EXOC4: variants seen among roughly 807,000 people sequenced by gnomAD.
EXOC4 encodes exocyst complex component 4.
In EXOC4, 71 loss-of-function variants were observed where a neutral mutation model predicts 107.2. The ratio of observed to expected loss-of-function variants is 0.66; its 90% CI spans 0.55 to 0.81. The LOEUF (loss-of-function observed/expected upper bound fraction) is 0.81, where lower values mean the gene tolerates loss of function less well. Ranked by LOEUF, EXOC4 falls within the 30% of genes least tolerant of loss-of-function variation. The pLI is 0.00. For missense variants in EXOC4, 1,108 were observed against 1,189.6 expected (o/e 0.93, Z 1.01); for synonymous variants, 456 against 441.2 (o/e 1.03, Z -0.42).
chr7:133,837,546 T>A (rs1797942572), intron 11 of EXOC4, among the ~76,000 whole-genome samples: 1 of 152,246 alleles, frequency 6.6e-6, no homozygotes, highest in Non-Finnish European at 1.5e-5. Flanking sequence ...GAATGCATTT[T>A]CTTCCTGCTA....
intron 10 of EXOC4, among the ~76,000 whole-genome samples, chr7:133,659,794 C>T (rs1287415470): frequency 6.6e-6 from 1 of 152,186 alleles, no homozygotes; most frequent in East Asian, 1.9e-4. Flanking sequence ...AGTCACTTTC[C>T]TCTTCTTTCC....
chr7:133,480,268 T>G, intron 9 of EXOC4, 130 bp downstream of exon 9: 1 of 1,495,392 alleles, frequency 6.7e-7, no homozygotes, highest in East Asian at 2.5e-5. Context: ...AATAATTTGT[T>G]TCTTCTGTAA....
intron 17 of EXOC4, among the ~76,000 whole-genome samples, chr7:134,054,033 C>T (rs1173542703): frequency 3.3e-5 from 5 of 152,124 alleles, no homozygotes; most frequent in African/African-American, 4.8e-5. Context: ...GCAACCTCCA[C>T]CTCCCAGGTT....
At chr7:133,463,287 C>T (rs1307243997) in intron 7 of EXOC4, among the ~76,000 whole-genome samples, 1 of 152,094 alleles carries the variant, frequency 6.6e-6, no homozygotes, top group Non-Finnish European at 1.5e-5. Flanking sequence ...AAGGAGCTCC[C>T]CCGCTTTGGT....
At position 133,407,093 on chromosome 7, in the gene EXOC4, C is replaced by T. The variant is rs561574336; in HGVS notation, c.1182+32091C>T. On this transcript the variant is annotated intron_variant, in intron 7 of 17. Coordinates refer to ENST00000253861, the MANE Select transcript of EXOC4 (RefSeq NM_021807.4). ...GCTAAGTCCAGCTTTAGCAAGAATC[C>T]TGCTGTGTCGGTTTAATCAGAATCC... Among the ~76,000 whole-genome samples the T allele has an allele frequency of 2.6e-5, 4 of 152,268 alleles. No individual in the cohort carries two copies. In the South Asian group the frequency reaches 8.3e-4, roughly 32 times the overall value.
intron 5 of EXOC4, among the ~76,000 whole-genome samples, chr7:133,335,531 A>G (rs927371126): frequency 3.3e-5 from 5 of 152,132 alleles, no homozygotes; most frequent in African/African-American, 1.2e-4. Context: ...CTATACCAGA[A>G]TTTCCTTCCT....
intron 10 of EXOC4, among the ~76,000 whole-genome samples, chr7:133,634,112 G>A (rs565318113): frequency 5.9e-5 from 9 of 152,112 alleles, no homozygotes; most frequent in Non-Finnish European, 1.2e-4. Flanking sequence ...TATATTCTCA[G>A]CAGTCGTTTT....
chr7:133,649,853 C>G (rs1258806898), intron 10 of EXOC4, among the ~76,000 whole-genome samples: 1 of 152,070 alleles, frequency 6.6e-6, no homozygotes, highest in Non-Finnish European at 1.5e-5. Flanking sequence ...GAATGAACCT[C>G]AGTGAATGAT....
rs548740911 is a variant in EXOC4, at chr7:133,835,357, A to G, written c.1734+17813A>G. Reference sequence around the variant, plus strand: ...GGGGTGCAGCCTTGTTTTATACATTAAGGACACATGCAACGTCAATACATG... The same window carrying G: ...GGGGTGCAGCCTTGTTTTATACATTGAGGACACATGCAACGTCAATACATG... On this transcript the variant is annotated intron_variant, in intron 11 of 17. Coordinates refer to ENST00000253861, the MANE Select transcript of EXOC4 (RefSeq NM_021807.4). 8.5e-5 allele frequency among the ~76,000 whole-genome samples: 13 copies of G among 152,340 alleles called. No homozygotes were observed. In the South Asian group the frequency reaches 2.7e-3, roughly 32 times the overall value.
intron 11 of EXOC4, among the ~76,000 whole-genome samples, chr7:133,870,569 C>G (rs957717381): frequency 2.0e-5 from 3 of 152,176 alleles, no homozygotes; most frequent in Non-Finnish European, 2.9e-5. Context: ...TGTGGCTCAT[C>G]TAAAGAGGGT....
intron 17 of EXOC4, among the ~76,000 whole-genome samples, chr7:134,023,966 G>C (rs938456717): frequency 3.3e-5 from 5 of 152,218 alleles, no homozygotes; most frequent in African/African-American, 1.2e-4. Flanking sequence ...CAGGCATGAA[G>C]TGGTGTAAGA....
At chr7:133,869,341 T>G (rs979056677) in intron 11 of EXOC4, among the ~76,000 whole-genome samples, 1 of 152,082 alleles carries the variant, frequency 6.6e-6, no homozygotes, top group Non-Finnish European at 1.5e-5. Flanking sequence ...TGGGGGCAGC[T>G]CTGGGCTCCT....
intron 11 of EXOC4, among the ~76,000 whole-genome samples, chr7:133,840,496 T>G (rs566253128): frequency 9.2e-5 from 14 of 151,710 alleles, no homozygotes; most frequent in African/African-American, 1.4e-4. Flanking sequence ...TTATTGTATT[T>G]TATTTATTTA....
chr7:133,503,341 G>A (rs755815962), intron 9 of EXOC4, among the ~76,000 whole-genome samples: 26 of 152,122 alleles, frequency 1.7e-4, no homozygotes, highest in African/African-American at 2.4e-4. Context: ...GAGACCATAC[G>A]TCATTTATAT....
At chr7:133,317,156 T>C (rs747130439) in intron 4 of EXOC4, 128 bp from the exon 5 acceptor site, 10 of 667,108 alleles carry the variant, frequency 1.5e-5, no homozygotes, top group Non-Finnish European at 2.7e-5. Context: ...TAGTATATAC[T>C]GGGGAGATCC....
At chr7:133,772,080 C>T (rs114603228) in intron 10 of EXOC4, among the ~76,000 whole-genome samples, 354 of 151,974 alleles carry the variant, frequency 2.3e-3, no homozygotes, top group African/African-American at 8.1e-3. Flanking sequence ...GAAGTCACCC[C>T]CTCCTCATAT....
chr7:133,363,180 AG>A (rs1331511417), intron 6 of EXOC4, among the ~76,000 whole-genome samples: 4 of 152,214 alleles, frequency 2.6e-5, no homozygotes, highest in African/African-American at 9.7e-5. Flanking sequence ...TTAATATTGA[AG>A]GGGATGAATA....
intron 14 of EXOC4, among the ~76,000 whole-genome samples, chr7:133,980,172 A>G (rs1793946112): frequency 6.6e-6 from 1 of 152,236 alleles, no homozygotes; most frequent in African/African-American, 2.4e-5. Flanking sequence ...TCAAAATGTC[A>G]TGATCTTACC....
intron 10 of EXOC4, among the ~76,000 whole-genome samples, chr7:133,738,906 T>C (rs1369716879): frequency 6.6e-6 from 1 of 152,154 alleles, no homozygotes; most frequent in Non-Finnish European, 1.5e-5. Context: ...TTTTTATATA[T>C]AGAATACACT....
Sources: gnomAD v4.1 joint callset for allele counts (sites outside exome capture counted in the v4.1 genomes callset) on GRCh38, gnomAD v4.1.1 for gene constraint, MANE v1.5 for transcripts, NCBI Gene and HGNC (gene_info 2026-07-23, HGNC 2026-07-21) for gene names.